The following NMBR variants were observed in gnomAD, a reference collection of about 807,000 sequenced individuals.
NMBR encodes the protein neuromedin-B receptor.
In NMBR, 16 loss-of-function variants were observed where a neutral mutation model predicts 20.5. That is an observed-to-expected ratio of 0.78 (90% CI 0.53 to 1.19). The LOEUF is 1.19. Ranked by LOEUF, NMBR falls within the 50% of genes most tolerant of loss-of-function variation. NMBR has a pLI of 0.00. For synonymous variants in NMBR, 212 were observed against 196.6 expected, an observed-to-expected ratio of 1.08 and a Z score of -0.65; for missense variants, 582 against 499.1, an observed-to-expected ratio of 1.17 and a Z score of -1.58.
At chr6:142,078,942 A>C (rs200466251) in intron 2 of NMBR, 39 bp from the exon 3 acceptor site, 1 of 1,390,914 alleles carries the variant, frequency 7.2e-7, no homozygotes, top group Non-Finnish European at 9.8e-7. Context: ...CCAGAAAGAA[A>C]GGAAAGAAAA....
intron 3 of NMBR, among the ~76,000 whole-genome samples, chr6:142,077,719 A>G (rs1776977606): frequency 1.3e-5 from 2 of 152,214 alleles, no homozygotes; most frequent in African/African-American, 4.8e-5. Context: ...TAAATTTTAA[A>G]TGATCTGCGA....
At position 142,088,563 on chromosome 6, in the gene NMBR, G is replaced by C. The variant is rs1777249028; in HGVS notation, c.96C>G (p.Ala32=). The change falls in exon 2 of 4, where the codon GCC becomes GCG. Residue 32 remains alanine, a synonymous_variant. Transcript: ENST00000258042. ...CCAACTCCGTGGTGGTCCCGTCCGA[G>C]GCCGGCAGGAAATCCCTTTCCCACC... ...PEGWERDFLP[A]SDGTTTELVI... The C allele has an allele frequency of 6.2e-7, 1 of 1,613,706 alleles. No individual in the cohort carries two copies. The highest frequency in any genetic ancestry group is 1.3e-5 in the African/African-American group (1 of 74,860).
intron 1 of NMBR, among the ~76,000 whole-genome samples, chr6:142,102,969 C>T (rs571316582): frequency 1.1e-3 from 163 of 152,200 alleles, no homozygotes; most frequent in African/African-American, 3.9e-3. Flanking sequence ...GAAGAGCTGT[C>T]CATATCAAAG....
At chr6:142,105,543 T>A (rs1385494102) in intron 1 of NMBR, among the ~76,000 whole-genome samples, 1 of 152,202 alleles carries the variant, frequency 6.6e-6, no homozygotes, top group Non-Finnish European at 1.5e-5. Context: ...TTTATCTATT[T>A]TTTACTCCTT....
At chr6:142,122,912 A>G (rs1354161671) in intron 1 of NMBR, among the ~76,000 whole-genome samples, 1 of 151,970 alleles carries the variant, frequency 6.6e-6, no homozygotes, top group Non-Finnish European at 1.5e-5. Flanking sequence ...AGAGGTACAA[A>G]GAGATTCATG....
chr6:142,101,181 G>A lies in NMBR; in HGVS notation c.-663-11860C>T, dbSNP rs562475637. ...CATTTGCCTTATTTGAACATGGTTT[G>A]AATAATTGGGCCTCTTTGATTGGAC... On this transcript the variant is annotated intron_variant, in intron 1 of 3. Coordinates refer to ENST00000258042, the MANE Select transcript of NMBR (RefSeq NM_002511.4). 3.9e-5 allele frequency among the ~76,000 whole-genome samples: 6 copies of A among 152,310 alleles called. 1 individual carries two copies. The East Asian group carries it at 1.2e-3, about 29-fold the overall frequency.
At chr6:142,109,615 T>C (rs916009731) in intron 1 of NMBR, among the ~76,000 whole-genome samples, 1 of 151,250 alleles carries the variant, frequency 6.6e-6, no homozygotes, top group Non-Finnish European at 1.5e-5. Context: ...TTATTACCCA[T>C]CATGGAAATG....
rs1777001942 is a variant in NMBR, at chr6:142,078,592, T to C, written c.734A>G (p.Asn245Ser). ...ATGTTCATTGTATTCTCCAGGAAGATTGTGTGCGCTTTTAATTAAGGTCTT... is the reference window on the plus strand; with the variant it reads ...ATGTTCATTGTATTCTCCAGGAAGACTGTGTGCGCTTTTAATTAAGGTCTT... ...IAKTLIKSAH[N>S]LPGEYNEHTK... Residue 245 changes from asparagine to serine, a missense_variant, in exon 3 of 4, where the codon AAT becomes AGT. Physicochemically the swap from Asn to Ser is conservative, Grantham distance 46. Transcript: ENST00000258042. 1.4e-5 allele frequency: 22 copies of C among 1,608,570 alleles called. No individual in the cohort carries two copies. The highest frequency in any genetic ancestry group is 1.8e-5 in the Non-Finnish European group (21 of 1,177,252).
At chr6:142,136,164 CCTGA>C (rs1778250680) in intron 1 of NMBR, among the ~76,000 whole-genome samples, 2 of 152,148 alleles carry the variant, frequency 1.3e-5, no homozygotes, top group Admixed American at 1.3e-4. Context: ...TCTGTTGTTT[CCTGA>C]CTTTTTAATG....
intron 1 of NMBR, among the ~76,000 whole-genome samples, chr6:142,095,102 G>A (rs1389854360): frequency 6.6e-6 from 1 of 151,928 alleles, no homozygotes; most frequent in Non-Finnish European, 1.5e-5. Context: ...CTGCAAACAG[G>A]GACAATTTGA....
At chr6:142,097,838 T>A (rs941957900) in intron 1 of NMBR, among the ~76,000 whole-genome samples, 1 of 151,988 alleles carries the variant, frequency 6.6e-6, no homozygotes, top group Non-Finnish European at 1.5e-5. Flanking sequence ...AGTTGCATAT[T>A]AAGGAGAGAC....
At chr6:142,136,362 ATTTG>A (rs1346971594) in intron 1 of NMBR, among the ~76,000 whole-genome samples, 2 of 152,042 alleles carry the variant, frequency 1.3e-5, no homozygotes, top group African/African-American at 4.8e-5. Context: ...TTTCTTGTAA[ATTTG>A]TTTGAGTCAT....
chr6:142,093,999 TG>T (rs147754796), intron 1 of NMBR, among the ~76,000 whole-genome samples: 72,767 of 147,606 alleles, frequency 0.49, 18,572 homozygotes, highest in East Asian at 0.73. Flanking sequence ...TTGATGGGGT[TG>T]TTTTTTTTCT....
chr6:142,112,569 C>G lies in NMBR; in HGVS notation c.-663-23248G>C, dbSNP rs115537338. On this transcript the variant is annotated intron_variant, in intron 1 of 3. Transcript: ENST00000258042. ...ATCAGCCTGCCTTTACTCCCAACATCCTTATTTCTAAACTCAGTAATAAAT... is the reference window on the plus strand; with the variant it reads ...ATCAGCCTGCCTTTACTCCCAACATGCTTATTTCTAAACTCAGTAATAAAT... Among the ~76,000 whole-genome samples the G allele has an allele frequency of 3.5e-3, 535 of 152,296 alleles. 2 individuals carry two copies. Among genetic ancestry groups the G allele is most frequent in the African/African-American group, 0.013 (520 of 41,556 alleles).
At chr6:142,123,325 T>C (rs1582857651) in intron 1 of NMBR, among the ~76,000 whole-genome samples, 2 of 151,928 alleles carry the variant, frequency 1.3e-5, no homozygotes, top group South Asian at 2.1e-4. Context: ...AGGAGTTGCT[T>C]CTTATGGATG....
intron 1 of NMBR, among the ~76,000 whole-genome samples, chr6:142,127,673 T>C (rs1258860096): frequency 6.6e-6 from 1 of 151,976 alleles, no homozygotes; most frequent in African/African-American, 2.4e-5. Flanking sequence ...CAGTGTTTTA[T>C]AATTTTCATT....
chr6:142,080,158 T>G (rs1202862943), intron 2 of NMBR, among the ~76,000 whole-genome samples: 1 of 152,118 alleles, frequency 6.6e-6, no homozygotes, highest in Non-Finnish European at 1.5e-5. Flanking sequence ...ATTTCTAAGA[T>G]ATTCTGTTAG....
intron 1 of NMBR, chr6:142,135,202 T>G (rs1778229846): frequency 5.6e-6 from 1 of 176,998 alleles, no homozygotes; most frequent in African/African-American, 2.3e-5. Flanking sequence ...TGATCAGTTT[T>G]TCTGTGGCCA....
chr6:142,076,755 A>G (rs1412881574), intron 3 of NMBR, among the ~76,000 whole-genome samples: 1 of 152,230 alleles, frequency 6.6e-6, no homozygotes, highest in Non-Finnish European at 1.5e-5. Flanking sequence ...ATTTCCTAAC[A>G]TCAGTAGTTC....
Sources: gnomAD v4.1 joint callset for allele counts (sites outside exome capture counted in the v4.1 genomes callset) on GRCh38, gnomAD v4.1.1 for gene constraint, MANE v1.5 for transcripts, NCBI Gene and HGNC (gene_info 2026-07-23, HGNC 2026-07-21) for gene names.